Variants in AMZ1 observed in about 807,000 individuals in gnomAD.
AMZ1 encodes archaemetzincin-1.
In AMZ1, 39 loss-of-function variants were observed where a neutral mutation model predicts 29.9. That is an observed-to-expected ratio of 1.30 (90% CI 1.01 to 1.70). AMZ1 has a LOEUF of 1.70. Ranked by LOEUF, AMZ1 falls within the 40% of genes most tolerant of loss-of-function variation. AMZ1 has a pLI of 0.00. For synonymous variants in AMZ1, 458 were observed against 304.0 expected, an observed-to-expected ratio of 1.51 and a Z score of -5.27; for missense variants, 1,041 against 680.6, an observed-to-expected ratio of 1.53 and a Z score of -5.89.
intron 4 of AMZ1, among the ~76,000 whole-genome samples, chr7:2,751,269 C>A (rs1427708698): frequency 6.6e-6 from 1 of 151,724 alleles, no homozygotes; most frequent in Non-Finnish European, 1.5e-5. Flanking sequence ...GCTTGTAGTC[C>A]CAGCTACTCA....
intron 4 of AMZ1, among the ~76,000 whole-genome samples, chr7:2,757,650 C>G (rs1347015872): frequency 2.0e-5 from 3 of 152,196 alleles, no homozygotes; most frequent in African/African-American, 7.2e-5. Context: ...ATCATTACAT[C>G]TGTGCCGTTT....
intron 4 of AMZ1, among the ~76,000 whole-genome samples, chr7:2,755,004 G>T (rs1009490674): frequency 6.6e-6 from 1 of 152,174 alleles, no homozygotes; most frequent in African/African-American, 2.4e-5. Flanking sequence ...CTTCCCTACA[G>T]AGACAGTCCA....
At chr7:2,693,754 A>G (rs1452495572) in intron 1 of AMZ1, among the ~76,000 whole-genome samples, 1 of 152,004 alleles carries the variant, frequency 6.6e-6, no homozygotes, top group African/African-American at 2.4e-5. Flanking sequence ...ACAGGGTTTC[A>G]CCGTGTTAGC....
At chr7:2,707,236 C>T (rs1005807267) in intron 3 of AMZ1, among the ~76,000 whole-genome samples, 3 of 151,162 alleles carry the variant, frequency 2.0e-5, no homozygotes, top group African/African-American at 7.3e-5. Flanking sequence ...TAGATAGCGC[C>T]ACTACACTGC....
upstream of AMZ1, among the ~76,000 whole-genome samples, chr7:2,760,012 C>T (rs967678600): frequency 3.9e-5 from 6 of 152,218 alleles, no homozygotes; most frequent in African/African-American, 1.4e-4. Flanking sequence ...GACAGGAACA[C>T]TCAGTTTTAA....
At chr7:2,694,519 C>T (rs11980626) in intron 1 of AMZ1, among the ~76,000 whole-genome samples, 10,643 of 152,024 alleles carry the variant, frequency 0.07, 1,076 homozygotes, top group African/African-American at 0.23. Context: ...TGGCCTTGGC[C>T]GCCCCTGCTC....
chr7:2,743,478 G>C (rs557488649), intron 4 of AMZ1, among the ~76,000 whole-genome samples: 1 of 152,290 alleles, frequency 6.6e-6, no homozygotes, highest in Non-Finnish European at 1.5e-5. Flanking sequence ...CTTTAAAGCA[G>C]CTATTATAAT....
chr7:2,697,020 C>T (rs905926460), intron 1 of AMZ1, among the ~76,000 whole-genome samples: 5 of 152,198 alleles, frequency 3.3e-5, no homozygotes, highest in African/African-American at 1.2e-4. Flanking sequence ...TCTAGGAGTC[C>T]ATCTTGAGGA....
At chr7:2,762,443 A>G, upstream of AMZ1, 1 of 515,702 alleles carries the variant, frequency 1.9e-6, no homozygotes, top group Non-Finnish European at 3.4e-6. Flanking sequence ...CAAAAACGCT[A>G]CTTAACTCCA....
intron 1 of AMZ1, among the ~76,000 whole-genome samples, chr7:2,696,185 A>G (rs553553337): frequency 6.6e-6 from 1 of 151,086 alleles, no homozygotes; most frequent in Non-Finnish European, 1.5e-5. Flanking sequence ...CAAAAACTGC[A>G]CCCACTTTTC....
In AMZ1 at chr7:2,716,482, C is replaced by A. The variant is rs184551210; in HGVS notation, c.*3604C>A. 6.8e-6 allele frequency: 1 copy of A among 147,442 alleles called. No individual in the cohort carries two copies. The highest frequency in any genetic ancestry group is 1.5e-5 in the Non-Finnish European group (1 of 67,138). The allele number at this position is 147,442 out of a possible 1,614,324, so 9.1% of individuals were successfully genotyped here. A position where few individuals can be genotyped will look rare whatever the true frequency, so the allele number is the denominator to read the frequency against. ...TTAATATTTGCTTCAGACCTTTCCCCGATGAACGAAATCTCCAAAAGCCTT... is the reference window on the plus strand; with the variant it reads ...TTAATATTTGCTTCAGACCTTTCCCAGATGAACGAAATCTCCAAAAGCCTT... On this transcript the variant is annotated 3_prime_UTR_variant, in exon 7 of 7. Coordinates refer to ENST00000683327, the MANE Select transcript of AMZ1 (RefSeq NM_001384743.1).
chr7:2,716,052 C>A lies in AMZ1; in HGVS notation c.*3174C>A, dbSNP rs1789104171. On this transcript the variant is annotated 3_prime_UTR_variant, in exon 7 of 7. Coordinates refer to ENST00000683327, the MANE Select transcript of AMZ1 (RefSeq NM_001384743.1). ...GGAGAGCCTCACCCATCTTGGTAAG[C>A]CAAGTCAGCGGGGCCTCATGGAGCT... 6.6e-6 allele frequency: 1 copy of A among 152,204 alleles called. No individual in the cohort carries two copies. Among genetic ancestry groups the A allele is most frequent in the African/African-American group, 2.4e-5 (1 of 41,432 alleles). 9.4% of individuals were successfully genotyped at this position (152,204 alleles called of 1,614,324 possible).
At chr7:2,750,557 GA>G (rs780986531) in intron 4 of AMZ1, among the ~76,000 whole-genome samples, 7 of 152,168 alleles carry the variant, frequency 4.6e-5, no homozygotes, top group Non-Finnish European at 7.3e-5. Flanking sequence ...CAATAAAACA[GA>G]ACAATTGTAA....
At chr7:2,763,672 C>A (rs1791680935), upstream of AMZ1, among the ~76,000 whole-genome samples, 2 of 152,234 alleles carry the variant, frequency 1.3e-5, no homozygotes, top group Non-Finnish European at 2.9e-5. Context: ...TAAGGAAGAT[C>A]CCTGGTAAGA....
Position 2,709,523 on chromosome 7 carries a change from C to A in AMZ1, c.772-117C>A, listed in dbSNP as rs571649864. On this transcript the variant is annotated intron_variant, in intron 5 of 6. Coordinates refer to ENST00000683327, the MANE Select transcript of AMZ1 (RefSeq NM_001384743.1). Reference sequence around the variant, plus strand: ...GGCAGGGGGAGGGCGCCTGGACCACCTCCCGGCCATCTGGCCTCACCCAGG... The same window carrying A: ...GGCAGGGGGAGGGCGCCTGGACCACATCCCGGCCATCTGGCCTCACCCAGG... 21 of 1,451,074 alleles carry A rather than the reference C, an allele frequency of 1.4e-5. No homozygotes were observed. The East Asian group carries it at 4.4e-4, about 30-fold the overall frequency. The allele number at this position is 1,451,074 out of a possible 1,614,324, so 89.9% of individuals were successfully genotyped here.
At chr7:2,722,507 G>A (rs1341399791), downstream of AMZ1, among the ~76,000 whole-genome samples, 1 of 152,006 alleles carries the variant, frequency 6.6e-6, no homozygotes, top group African/African-American at 2.4e-5. Context: ...TCCTGACCTC[G>A]TGATCCATCC....
At chr7:2,711,724 C>T (rs952240790) in intron 6 of AMZ1, among the ~76,000 whole-genome samples, 2 of 152,144 alleles carry the variant, frequency 1.3e-5, no homozygotes, top group African/African-American at 2.4e-5. Context: ...CACACCTTTG[C>T]TTTAAAATTT....
At chr7:2,759,633 G>T (rs944575468), upstream of AMZ1, among the ~76,000 whole-genome samples, 7 of 152,212 alleles carry the variant, frequency 4.6e-5, no homozygotes, top group African/African-American at 7.2e-5. Context: ...CTGAGTGGCA[G>T]GTTCAGAGGT....
chr7:2,711,929 C>T (rs1788805292), intron 6 of AMZ1, among the ~76,000 whole-genome samples: 2 of 152,118 alleles, frequency 1.3e-5, no homozygotes, highest in African/African-American at 2.4e-5. Flanking sequence ...CCTGTAAAAT[C>T]CCTGCTACTC....
Sources: gnomAD v4.1 joint callset for allele counts (sites outside exome capture counted in the v4.1 genomes callset) on GRCh38, gnomAD v4.1.1 for gene constraint, MANE v1.5 for transcripts, NCBI Gene and HGNC (gene_info 2026-07-23, HGNC 2026-07-21) for gene names.